The following C4orf50 variants were observed in gnomAD, a reference collection of about 807,000 sequenced individuals.
C4orf50 encodes chromosome 4 open reading frame 50, also known as uncharacterized protein C4orf50.
Under a neutral mutation model 77.2 loss-of-function variants are expected in C4orf50, and 80 were observed. The observed-to-expected ratio is 1.04, with a 90% CI of 0.87 to 1.25. The LOEUF is 1.25. Among genes scored for constraint, C4orf50 ranks in the 50% most tolerant of loss-of-function variants. The pLI is 0.00. For missense variants in C4orf50, 1,257 were observed against 1,152.9 expected (o/e 1.09, Z -1.31); for synonymous variants, 532 against 465.3 (o/e 1.14, Z -1.84).
At chr4:5,976,594 C>A (rs1244675674) in intron 29 of C4orf50, among the ~76,000 whole-genome samples, 1 of 152,152 alleles carries the variant, frequency 6.6e-6, no homozygotes, top group African/African-American at 2.4e-5. Flanking sequence ...GTTCCTGAGC[C>A]AGACAGCAGG....
In C4orf50 at chr4:5,976,005, G is replaced by C. The variant is rs750483452; in HGVS notation, c.3865-50C>G. On this transcript the variant is annotated intron_variant, in intron 29 of 33. Coordinates refer to ENST00000531445, the Ensembl canonical transcript of C4orf50. ...CAACACTGCACTGTCACTTACCACT[G>C]TCCAGAGCTTCCCCAGGCAAGCTGG... 2.0e-6 allele frequency: 3 copies of C among 1,478,718 alleles called. No homozygotes were observed. In the South Asian group the frequency reaches 3.4e-5, roughly 17 times the overall value. 91.6% of individuals were successfully genotyped at this position (1,478,718 alleles called of 1,614,324 possible).
intron 7 of C4orf50, among the ~76,000 whole-genome samples, chr4:5,918,186 C>A (rs1367118518): frequency 6.6e-6 from 1 of 152,134 alleles, no homozygotes; most frequent in Admixed American, 6.5e-5. Context: ...ACAACCACCT[C>A]CCACCGCAGC....
chr4:5,980,403 C>G, intron 28 of C4orf50, 65 bp from the exon 7 acceptor site: 1 of 1,465,864 alleles, frequency 6.8e-7, no homozygotes, highest in Non-Finnish European at 9.2e-7. Flanking sequence ...CCTTAGCCAA[C>G]AAACGGTACC....
At chr4:5,967,485 G>T in intron 31 of C4orf50, 23 bp from the exon 10 acceptor site, 2 of 1,611,160 alleles carry the variant, frequency 1.2e-6, no homozygotes, top group Non-Finnish European at 1.7e-6. Flanking sequence ...ACATCTTGGC[G>T]GTTATTCTGC....
chr4:5,964,870 C>T (rs1038814978), intron 33 of C4orf50, among the ~76,000 whole-genome samples, 154 bp downstream of exon 11: 7 of 151,410 alleles, frequency 4.6e-5, no homozygotes, highest in African/African-American at 1.5e-4. Flanking sequence ...AGGGTGAAAC[C>T]AGGGGGCTGT....
exon 28 of C4orf50, chr4:5,989,477 C>T: frequency 6.5e-7 from 1 of 1,536,110 alleles, no homozygotes; most frequent in Non-Finnish European, 8.7e-7. Flanking sequence ...TTTCCCCAAA[C>T]CTGCTGAGAG....
rs2108815494 is a variant in C4orf50 at position 6,015,424 on chromosome 4, G to C, written c.287+2721C>G. On this transcript the variant is annotated intron_variant, in intron 23 of 33. Coordinates refer to ENST00000531445, the Ensembl canonical transcript of C4orf50. This position sits in a 1 kb window ranked among gnomAD's most constrained non-coding sequence, Gnocchi z 4.4. ...GAAACCAATCCTGCCGACCCCCCGA[G>C]CTTGGGCTTTTGGGATCCAGAAATG... Among the ~76,000 whole-genome samples, 1 of 152,218 alleles carries C rather than the reference G, an allele frequency of 6.6e-6. No homozygotes were observed.
chr4:5,930,510 C>CACA (rs2108744365), intron 7 of C4orf50, among the ~76,000 whole-genome samples: 1 of 152,294 alleles, frequency 6.6e-6, no homozygotes, highest in Admixed American at 6.5e-5. Context: ...TCAAAGTGTT[C>CACA]AGGTTTTGTG....
intron 28 of C4orf50, among the ~76,000 whole-genome samples, chr4:5,981,573 T>G (rs1720591340): frequency 6.6e-6 from 1 of 151,936 alleles, no homozygotes; most frequent in South Asian, 2.1e-4. Flanking sequence ...CCCGGCTAAT[T>G]TTGTACTTTT....
chr4:5,934,679 A>C (rs1162782970), intron 7 of C4orf50, among the ~76,000 whole-genome samples: 1 of 152,138 alleles, frequency 6.6e-6, no homozygotes, highest in East Asian at 1.9e-4. Flanking sequence ...CCTCCCTTCC[A>C]TGTGTGTCTG....
chr4:5,988,353 G>A (rs754434439), exon 28 of C4orf50: 104 of 1,613,682 alleles, frequency 6.4e-5, no homozygotes, highest in Non-Finnish European at 2.1e-5. Context: ...CTACCATGGG[G>A]CCATTGCTCA....
At chr4:5,930,062 C>A (rs571814192) in intron 7 of C4orf50, among the ~76,000 whole-genome samples, 5 of 152,258 alleles carry the variant, frequency 3.3e-5, no homozygotes, top group Non-Finnish European at 7.4e-5. Flanking sequence ...TGATGACAAC[C>A]AGGTGTTGAT....
intron 29 of C4orf50, among the ~76,000 whole-genome samples, chr4:5,977,104 G>A (rs1207410800): frequency 6.6e-6 from 1 of 152,226 alleles, no homozygotes; most frequent in African/African-American, 2.4e-5. Context: ...CCACCCTGCA[G>A]AGGGGGCAGG....
Position 6,004,232 on chromosome 4 carries a change from G to C in C4orf50, c.963+3764C>G, listed in dbSNP as rs1310632233. Among the ~76,000 whole-genome samples the C allele has an allele frequency of 8.7e-5, 4 of 46,238 alleles. No individual in the cohort carries two copies. In the South Asian group the frequency reaches 3.9e-3, roughly 45 times the overall value. 30.3% of individuals were successfully genotyped at this position (46,238 alleles called of 152,430 possible). A position where few individuals can be genotyped will look rare whatever the true frequency, so the allele number is the denominator to read the frequency against. On this transcript the variant is annotated intron_variant, in intron 25 of 33. Coordinates refer to ENST00000531445, the Ensembl canonical transcript of C4orf50. ...TGATGGTGATGGTGATGATGTGATGGTGATGATGATGGTGATGATGGTGAT... is the reference window on the plus strand; with the variant it reads ...TGATGGTGATGGTGATGATGTGATGCTGATGATGATGGTGATGATGGTGAT...
chr4:5,942,170 A>G (rs1038926288), intron 7 of C4orf50, among the ~76,000 whole-genome samples: 3 of 152,144 alleles, frequency 2.0e-5, no homozygotes, highest in African/African-American at 7.2e-5. Flanking sequence ...ATGGACTGAA[A>G]AGGCCTCCTT....
At chr4:5,964,009 C>G (rs756761352) in intron 33 of C4orf50, among the ~76,000 whole-genome samples, 2 of 131,162 alleles carry the variant, frequency 1.5e-5, no homozygotes, top group Non-Finnish European at 3.2e-5. Flanking sequence ...GCAGTATGTG[C>G]AACTAGAAAA....
chr4:5,990,226 G>T, exon 28 of C4orf50: 1 of 1,242,098 alleles, frequency 8.1e-7, no homozygotes, highest in Non-Finnish European at 1.0e-6. Flanking sequence ...AGTCTCTGAA[G>T]CCCCATTCTG....
Position 5,916,641 on chromosome 4 carries a change from G to T in C4orf50, c.*2475-18453C>A, listed in dbSNP as rs79399888. 0.055 allele frequency among the ~76,000 whole-genome samples: 8,324 copies of T among 152,242 alleles called. 285 individuals carry two copies. The highest frequency in any genetic ancestry group is 0.086 in the South Asian group (412 of 4,818). ...AGACAGGGGTGCAGGTGGTTTATTTGGGGGGAGATCCCAGAAGTAGGAGTG... is the reference window on the plus strand; with the variant it reads ...AGACAGGGGTGCAGGTGGTTTATTTTGGGGGAGATCCCAGAAGTAGGAGTG... On this transcript the variant is annotated intron_variant, in intron 7 of 7. Coordinates refer to the C4orf50 transcript ENST00000324058. The surrounding 1 kb of genome is among the most constrained non-coding windows in gnomAD (Gnocchi z 4.4).
chr4:6,003,332 A>G (rs1721921418), intron 25 of C4orf50, among the ~76,000 whole-genome samples: 1 of 152,218 alleles, frequency 6.6e-6, no homozygotes, highest in Non-Finnish European at 1.5e-5. Flanking sequence ...TAAAAAGTCA[A>G]GAGAGAGAAA....
Sources: gnomAD v4.1 joint callset for allele counts (sites outside exome capture counted in the v4.1 genomes callset) on GRCh38, gnomAD v4.1.1 for gene constraint, Gnocchi (gnomAD v3.1) non-coding constraint, MANE v1.5 for transcripts, NCBI Gene and HGNC (gene_info 2026-07-23, HGNC 2026-07-21) for gene names.